Variants in ZNHIT6 observed in about 807,000 individuals in gnomAD.
ZNHIT6 encodes the protein zinc finger HIT-type containing 6, also known as box C/D snoRNA protein 1.
In ZNHIT6, 45 loss-of-function variants were observed where a neutral mutation model predicts 57.2. That is an observed-to-expected ratio of 0.79 (90% CI 0.62 to 1.01). ZNHIT6 has a LOEUF of 1.01. ZNHIT6 is among the 50% of genes least tolerant of loss of function. The probability of loss-of-function intolerance (pLI) is 0.00; values close to 1 mark genes in which losing one functional copy is unlikely to be tolerated. For missense variants in ZNHIT6, 528 were observed against 567.3 expected, an observed-to-expected ratio of 0.93 and a Z score of 0.70; for synonymous variants, 188 against 190.0, an observed-to-expected ratio of 0.99 and a Z score of 0.09.
At chr1:85,657,592 T>TA (rs1022877696) in intron 9 of ZNHIT6, among the ~76,000 whole-genome samples, 5 of 151,706 alleles carry the variant, frequency 3.3e-5, no homozygotes, top group East Asian at 3.8e-4. Flanking sequence ...AACCCCATGC[T>TA]AAAAAAAAGT....
intron 5 of ZNHIT6, among the ~76,000 whole-genome samples, chr1:85,687,383 G>A (rs1191220037): frequency 1.3e-5 from 2 of 148,350 alleles, no homozygotes; most frequent in Non-Finnish European, 3.0e-5. Flanking sequence ...GTATTTTGCC[G>A]TGATTTCATA....
chr1:85,654,645 C>T (rs908353911), intron 9 of ZNHIT6, among the ~76,000 whole-genome samples: 1 of 152,120 alleles, frequency 6.6e-6, no homozygotes, highest in Non-Finnish European at 1.5e-5. Context: ...GACAGAAACT[C>T]GACCTTTCTT....
At chr1:85,676,924 T>C (rs1661720587) in intron 8 of ZNHIT6, among the ~76,000 whole-genome samples, 2 of 152,182 alleles carry the variant, frequency 1.3e-5, no homozygotes, top group African/African-American at 2.4e-5. Context: ...AAACCTTCAA[T>C]TTGTAAAGAA....
rs549663718 is a variant in ZNHIT6 at position 85,658,667 on chromosome 1, T to A, written c.1248-696A>T. Among the ~76,000 whole-genome samples the A allele has an allele frequency of 1.1e-3, 165 of 151,922 alleles. 1 individual carries two copies. Among genetic ancestry groups the A allele is most frequent in the African/African-American group, 3.8e-3 (159 of 41,480 alleles). On this transcript the variant is annotated intron_variant, in intron 8 of 9. Transcript: ENST00000370574. ...TGGGTGGATCACCTGAGGTTGGGAGTTTGAGACCAGCGTGACCAACATGGA... is the reference window on the plus strand; with the variant it reads ...TGGGTGGATCACCTGAGGTTGGGAGATTGAGACCAGCGTGACCAACATGGA...
At chr1:85,658,199 C>T (rs1460468421) in intron 8 of ZNHIT6, among the ~76,000 whole-genome samples, 1 of 152,108 alleles carries the variant, frequency 6.6e-6, no homozygotes, top group Non-Finnish European at 1.5e-5. Flanking sequence ...AATATTCTGA[C>T]ATTAGGAAAG....
chr1:85,660,017 GTACTTACAA>G (rs1243057946), intron 8 of ZNHIT6, among the ~76,000 whole-genome samples: 1 of 152,140 alleles, frequency 6.6e-6, no homozygotes, highest in Admixed American at 6.6e-5. Context: ...TAATACAGAT[GTACTTACAA>G]TACTTTAAAA....
intron 8 of ZNHIT6, among the ~76,000 whole-genome samples, chr1:85,667,946 T>TAAAAAAAAAAAAAAAAAA (rs1471641849): frequency 5.3e-4 from 2 of 3,740 alleles, no homozygotes; most frequent in Non-Finnish European, 1.1e-3. Context: ...ACTCTCTCTT[T>TAAAAAAAAAAAAAAAAAA]CAAAAAAAAA....
chr1:85,677,367 A>C (rs1661733188), intron 7 of ZNHIT6, 54 bp from the exon 8 acceptor site: 1 of 1,482,952 alleles, frequency 6.7e-7, no homozygotes, highest in Non-Finnish European at 9.3e-7. Context: ...ATATTTCAAG[A>C]TAGTCTTATG....
intron 5 of ZNHIT6, among the ~76,000 whole-genome samples, chr1:85,697,847 C>A (rs1197773557): frequency 6.6e-6 from 1 of 152,120 alleles, no homozygotes; most frequent in Non-Finnish European, 1.5e-5. Flanking sequence ...TTATTCAAAT[C>A]TTTTAAGTCA....
At chr1:85,663,593 A>T (rs1661282656) in intron 8 of ZNHIT6, among the ~76,000 whole-genome samples, 1 of 152,176 alleles carries the variant, frequency 6.6e-6, no homozygotes, top group African/African-American at 2.4e-5. Flanking sequence ...TAAACCTTGC[A>T]CTTTATGGGG....
rs140371157 is a variant in ZNHIT6 at position 85,703,521 on chromosome 1, C to T, written c.916-1261G>A. Among the ~76,000 whole-genome samples the T allele has an allele frequency of 2.1e-3, 320 of 152,168 alleles. 2 individuals carry two copies. Among genetic ancestry groups the T allele is most frequent in the Non-Finnish European group, 3.2e-3 (221 of 68,000 alleles). On this transcript the variant is annotated intron_variant, in intron 4 of 9. Transcript: ENST00000370574. The stretch of plus-strand genomic sequence containing the variant: ...GATGCTGATATATGACAAAGGTGGT[C>T]CTACAGAGCAATAGGGAAAGGATGA...
chr1:85,656,227 T>C (rs1661058707), intron 9 of ZNHIT6, among the ~76,000 whole-genome samples: 1 of 152,188 alleles, frequency 6.6e-6, no homozygotes, highest in African/African-American at 2.4e-5. Context: ...GTACTTACGA[T>C]GTGACAAAAC....
chr1:85,676,231 G>A (rs747221788), intron 8 of ZNHIT6, among the ~76,000 whole-genome samples: 7 of 151,236 alleles, frequency 4.6e-5, no homozygotes, highest in African/African-American at 7.3e-5. Flanking sequence ...AGCTACTCAA[G>A]AGACTGAGGC....
intron 5 of ZNHIT6, among the ~76,000 whole-genome samples, chr1:85,686,700 T>G (rs1253030700): frequency 6.6e-6 from 1 of 152,134 alleles, no homozygotes; most frequent in Non-Finnish European, 1.5e-5. Flanking sequence ...TCACCAATGT[T>G]GGGCACTGCA....
At chr1:85,659,427 T>C (rs1661164649) in intron 8 of ZNHIT6, among the ~76,000 whole-genome samples, 2 of 152,220 alleles carry the variant, frequency 1.3e-5, no homozygotes, top group South Asian at 4.1e-4. Context: ...CCAGCATTTT[T>C]ATTCATCTCT....
chr1:85,682,437 T>C (rs1275828929), intron 5 of ZNHIT6, among the ~76,000 whole-genome samples: 1 of 152,206 alleles, frequency 6.6e-6, no homozygotes, highest in Non-Finnish European at 1.5e-5. Flanking sequence ...TTGTAAACCA[T>C]ACTCAATCAC....
chr1:85,677,030 C>T (rs938151483), intron 8 of ZNHIT6, among the ~76,000 whole-genome samples: 7 of 152,042 alleles, frequency 4.6e-5, no homozygotes, highest in Non-Finnish European at 7.4e-5. Flanking sequence ...TATCAGTTGA[C>T]GGAAAATAAA....
intron 8 of ZNHIT6, among the ~76,000 whole-genome samples, chr1:85,667,189 T>C (rs1448061613): frequency 6.6e-6 from 1 of 152,174 alleles, no homozygotes; most frequent in Non-Finnish European, 1.5e-5. Flanking sequence ...TTAGTGGTCA[T>C]ACAGCTGTAG....
At chr1:85,659,096 A>C (rs1661153603) in intron 8 of ZNHIT6, among the ~76,000 whole-genome samples, 1 of 152,170 alleles carries the variant, frequency 6.6e-6, no homozygotes, top group Admixed American at 6.5e-5. Context: ...GTTTCCAGAA[A>C]TTTATATTGC....
Sources: gnomAD v4.1 joint callset for allele counts (sites outside exome capture counted in the v4.1 genomes callset) on GRCh38, gnomAD v4.1.1 for gene constraint, MANE v1.5 for transcripts, NCBI Gene and HGNC (gene_info 2026-07-23, HGNC 2026-07-21) for gene names.